ITPR3: variants seen among roughly 807,000 people sequenced by gnomAD.
ITPR3 encodes the protein inositol 1,4,5-trisphosphate-gated calcium channel ITPR3.
A neutral mutation model predicts 293.2 loss-of-function variants in ITPR3; 173 were observed. The observed-to-expected ratio is 0.59, with a 90% CI of 0.52 to 0.67. ITPR3 has a LOEUF of 0.67. Ranked by LOEUF, ITPR3 falls within the 30% of genes least tolerant of loss-of-function variation. The pLI, the probability that ITPR3 is intolerant of heterozygous loss-of-function variation, is 0.00. For synonymous variants in ITPR3, 1,295 were observed against 1,444.4 expected, an observed-to-expected ratio of 0.90 and a Z score of 2.35; for missense variants, 2,796 against 3,592.1, an observed-to-expected ratio of 0.78 and a Z score of 5.66.
chr6:33,660,359 G>T (rs1764431683), intron 7 of ITPR3, among the ~76,000 whole-genome samples: 1 of 151,964 alleles, frequency 6.6e-6, no homozygotes, highest in Admixed American at 6.6e-5. Flanking sequence ...TCCCTGCTCG[G>T]AAGCTGCAAT....
chr6:33,661,678 T>C (rs1469088792), intron 7 of ITPR3, among the ~76,000 whole-genome samples: 1 of 152,054 alleles, frequency 6.6e-6, no homozygotes, highest in Non-Finnish European at 1.5e-5. Flanking sequence ...AAGGAACTTA[T>C]CTGAGGTCAC....
rs771707607 is a variant in ITPR3 at position 33,685,646 on chromosome 6, G to A, written c.5486G>A (p.Arg1829His). 43 of 1,583,612 alleles carry A rather than the reference G, an allele frequency of 2.7e-5. No individual in the cohort carries two copies. The highest frequency in any genetic ancestry group is 4.0e-5 in the African/African-American group (3 of 74,468). ...REPVDPTTKG[R>H]VASFSIPGSS... Reference sequence around the variant, plus strand: ...CCTCACCAGGTCTCGCCCACAGGCCGCGTGGCCTCCTTCTCGATACCTGGC... The same window carrying A: ...CCTCACCAGGTCTCGCCCACAGGCCACGTGGCCTCCTTCTCGATACCTGGC... The change falls in exon 41 of 58, where the codon CGC (arginine) becomes CAC (histidine). Residue 1829 changes from arginine (R) to histidine (H), a missense_variant. Physicochemically the swap from Arg to His is conservative, Grantham distance 29. Transcript: ENST00000605930.
In ITPR3 at chr6:33,660,148, G is replaced by A. The variant is rs1195962510; in HGVS notation, c.711+599G>A. ...CCCTGAACAGCAGATGTGGGCGAGA[G>A]AGGAGAGTTCAGATGTCTCTTGGGT... On this transcript the variant is annotated intron_variant, in intron 7 of 57. Transcript: ENST00000605930. Among the ~76,000 whole-genome samples, 3 of 152,318 alleles carry A rather than the reference G, an allele frequency of 2.0e-5. No homozygotes were observed. In the East Asian group the frequency reaches 5.8e-4, roughly 29 times the overall value.
At position 33,660,357 on chromosome 6, in the gene ITPR3, C is replaced by T. The variant is rs535589447; in HGVS notation, c.711+808C>T. On this transcript the variant is annotated intron_variant, in intron 7 of 57. Coordinates refer to ENST00000605930, the MANE Select transcript of ITPR3 (RefSeq NM_002224.4). ...GGAGTCTTAGGTGCTCCTCCCTGCT[C>T]GGAAGCTGCAATGGCTCCCTTTGCC... is the stretch of plus-strand genomic sequence containing the variant. Among the ~76,000 whole-genome samples the T allele has an allele frequency of 2.6e-5, 4 of 152,060 alleles. No individual in the cohort carries two copies. In the South Asian group the frequency reaches 6.2e-4, roughly 24 times the overall value.
In ITPR3 at chr6:33,691,592, G is replaced by A; in HGVS notation, c.7226-23G>A. The A allele has an allele frequency of 1.2e-6, 2 of 1,602,406 alleles. No individual in the cohort carries two copies. The highest frequency in any genetic ancestry group is 1.7e-6 in the Non-Finnish European group (2 of 1,169,798). ...AAGGCCAGGCACTGGACCTCCTGAT[G>A]ATCTCATCCATATCCCCTCCAGCCA... On this transcript the variant is annotated intron_variant, in intron 52 of 57. Coordinates refer to ENST00000605930, the MANE Select transcript of ITPR3 (RefSeq NM_002224.4). The surrounding 1 kb of genome is among the most constrained non-coding windows in gnomAD (Gnocchi z 4.9).
chr6:33,687,185 G>A lies in ITPR3; in HGVS notation c.6076-41G>A, dbSNP rs367695838. The A allele has an allele frequency of 6.9e-5, 110 of 1,593,446 alleles. No individual in the cohort carries two copies. In the East Asian group the frequency reaches 7.8e-4, roughly 11 times the overall value. ...GGATGAGGGCCCGGCTGGCCCTACC[G>A]CCCTAGGAAGAGAGCATTGGAACAG... On this transcript the variant is annotated intron_variant, in intron 44 of 57. Transcript: ENST00000605930. The surrounding 1 kb of genome is among the most constrained non-coding windows in gnomAD (Gnocchi z 5.3).
intron 7 of ITPR3, among the ~76,000 whole-genome samples, chr6:33,662,146 G>A (rs1245803666): frequency 6.6e-6 from 1 of 152,068 alleles, no homozygotes; most frequent in African/African-American, 2.4e-5. Flanking sequence ...CCCTGAGAGA[G>A]GGGCAGCCAT....
Position 33,682,631 on chromosome 6 carries a change from C to T in ITPR3, c.4584C>T (p.Thr1528=), listed in dbSNP as rs751748864. 54 of 1,595,778 alleles carry T rather than the reference C, an allele frequency of 3.4e-5. No individual in the cohort carries two copies. Among genetic ancestry groups the T allele is most frequent in the Non-Finnish European group, 4.5e-5 (53 of 1,172,704 alleles). Reference sequence around the variant, plus strand: ...GCTCCGTGGAGGCCTGCATCCGGACCCTCGCCATGGTGGGTGAGTGTGCCG... The same window carrying T: ...GCTCCGTGGAGGCCTGCATCCGGACTCTCGCCATGGTGGGTGAGTGTGCCG... ...HKGSVEACIR[T]LAMVAKGRAI... is the part of the protein sequence containing the mutation. Residue 1528 remains threonine, a synonymous_variant, in exon 34 of 58, where the codon ACC becomes ACT. Coordinates refer to ENST00000605930, the MANE Select transcript of ITPR3 (RefSeq NM_002224.4). This position sits in a 1 kb window ranked among gnomAD's most constrained non-coding sequence, Gnocchi z 5.4.
intron 2 of ITPR3, among the ~76,000 whole-genome samples, chr6:33,650,916 C>T (rs867352115): frequency 2.6e-5 from 4 of 151,848 alleles, no homozygotes; most frequent in East Asian, 3.9e-4. Flanking sequence ...TGTTCTCCCT[C>T]GCGGTGTCTG....
intron 20 of ITPR3, 140 bp from the exon 21 acceptor site, chr6:33,671,025 G>C (rs908649976): frequency 1.4e-6 from 2 of 1,436,912 alleles, no homozygotes; most frequent in East Asian, 4.6e-5. Flanking sequence ...GCCTCTCCCT[G>C]CTCCGCTCTC....
intron 1 of ITPR3, among the ~76,000 whole-genome samples, chr6:33,627,562 T>C (rs1421723225): frequency 6.6e-6 from 1 of 152,260 alleles, no homozygotes. Context: ...CAATTTGCCC[T>C]GAACATCCTA....
intron 2 of ITPR3, among the ~76,000 whole-genome samples, chr6:33,646,894 G>T (rs971823070): frequency 6.6e-6 from 1 of 152,020 alleles, no homozygotes. Flanking sequence ...TCCAACCTGG[G>T]CGACATAGTG....
At position 33,684,464 on chromosome 6, in the gene ITPR3, G is replaced by A. The variant is rs772513742; in HGVS notation, c.5045G>A (p.Arg1682Gln). The A allele has an allele frequency of 7.4e-6, 12 of 1,613,550 alleles. No homozygotes were observed. The highest frequency in any genetic ancestry group is 6.7e-5 in the East Asian group (3 of 44,858). Reference sequence around the variant, plus strand: ...CTCAAGAAGACCAAGTACGGGGACCGGGTGAGTGCCCTGGTGGGGCAAGTG... The same window carrying A: ...CTCAAGAAGACCAAGTACGGGGACCAGGTGAGTGCCCTGGTGGGGCAAGTG... Reference protein sequence around the residue: ...MLLKKTKYGDRGNQLRKMLLQ... With the variant: ...MLLKKTKYGDQGNQLRKMLLQ... Residue 1682 changes from arginine (R) to glutamine (Q), a missense_variant and splice_region_variant, in exon 37 of 58, where the codon CGG (arginine) becomes CAG (glutamine). Coordinates refer to ENST00000605930, the MANE Select transcript of ITPR3 (RefSeq NM_002224.4). This position sits in a 1 kb window ranked among gnomAD's most constrained non-coding sequence, Gnocchi z 4.2.
chr6:33,695,707 C>T lies in ITPR3; in HGVS notation c.7948-5C>T. ...CCAGGCCTGTTGGCATCTGCTTAAC[C>T]CTAGATGACGGAGCAGCGGAAACGC... On this transcript the variant is annotated splice_polypyrimidine_tract_variant and splice_region_variant and intron_variant, in intron 57 of 57. Transcript: ENST00000605930. The T allele has an allele frequency of 1.2e-6, 2 of 1,614,066 alleles. No individual in the cohort carries two copies. The highest frequency in any genetic ancestry group is 2.2e-5 in the East Asian group (1 of 44,888).
intron 2 of ITPR3, among the ~76,000 whole-genome samples, chr6:33,645,932 G>T (rs1385041486): frequency 2.6e-5 from 4 of 152,032 alleles, no homozygotes; most frequent in Non-Finnish European, 5.9e-5. Context: ...CTGCCTCCTG[G>T]ATTCAAGCGA....
chr6:33,688,098 C>A lies in ITPR3; in HGVS notation c.6306C>A (p.Ser2102=), dbSNP rs56161385. Residue 2102 remains serine (S), a synonymous_variant, in exon 47 of 58, where the codon TCC becomes TCA. Coordinates refer to ENST00000605930, the MANE Select transcript of ITPR3 (RefSeq NM_002224.4). ...AGCAGCTGTCACAGATGCTCAAGTC[C>A]TCAGCGCCAGCACAGGAGGAGGAGG... The part of the protein sequence containing the change: ...NNKQLSQMLK[S]SAPAQEEEED... The A allele has an allele frequency of 3.1e-6, 5 of 1,614,152 alleles. 1 individual carries two copies. The South Asian group carries it at 5.5e-5, about 18-fold the overall frequency.
chr6:33,669,126 C>T lies in ITPR3; in HGVS notation c.2159C>T (p.Ala720Val). Residue 720 changes from alanine (A) to valine (V), a missense_variant, in exon 18 of 58, where the codon GCC becomes GTC. Around this residue, in one of 8 missense-constraint regions of ITPR3, gnomAD observed 955 missense variants for 1,180.8 expected, o/e 0.81. Transcript: ENST00000605930. ...QLAQEARAGN[A>V]HDENVLSYYR... ...GCCCAGGAGGCGCGGGCCGGCAACG[C>T]CCACGACGAGAATGTGCTCAGCTAC... 1.2e-6 allele frequency: 2 copies of T among 1,614,054 alleles called. No homozygotes were observed. Among genetic ancestry groups the T allele is most frequent in the Non-Finnish European group, 8.5e-7 (1 of 1,179,986 alleles).
At chr6:33,630,392 A>G (rs147547488) in intron 1 of ITPR3, among the ~76,000 whole-genome samples, 9 of 152,332 alleles carry the variant, frequency 5.9e-5, no homozygotes, top group East Asian at 1.9e-4. Context: ...CAAGTGAGAA[A>G]GACTGAGAGA....
intron 18 of ITPR3, 102 bp downstream of exon 18, chr6:33,669,258 G>T: frequency 8.2e-7 from 1 of 1,226,304 alleles, no homozygotes; most frequent in Non-Finnish European, 1.1e-6. Flanking sequence ...ACAGCCTCAG[G>T]TGGGGCTCCT....
Sources: gnomAD v4.1 joint callset for allele counts (sites outside exome capture counted in the v4.1 genomes callset) on GRCh38, gnomAD v4.1.1 for gene constraint, gnomAD v4.1.1 regional missense constraint, Gnocchi (gnomAD v3.1) non-coding constraint, MANE v1.5 for transcripts, NCBI Gene and HGNC (gene_info 2026-07-23, HGNC 2026-07-21) for gene names.